The following OPCML variants were observed in gnomAD, a reference collection of about 807,000 sequenced individuals.
The protein encoded by OPCML is opioid binding protein/cell adhesion molecule like, also known as opioid-binding protein/cell adhesion molecule.
Under a neutral mutation model 37.8 loss-of-function variants are expected in OPCML, and 13 were observed. That is an observed-to-expected ratio of 0.34 (90% CI 0.22 to 0.55). The LOEUF is 0.55. Ranked by LOEUF, OPCML falls within the 20% of genes least tolerant of loss-of-function variation. The probability of loss-of-function intolerance (pLI) is 0.91; values close to 1 mark genes in which losing one functional copy is unlikely to be tolerated. For synonymous variants in OPCML, 176 were observed against 168.8 expected, an observed-to-expected ratio of 1.04 and a Z score of -0.33; for missense variants, 341 against 435.6, an observed-to-expected ratio of 0.78 and a Z score of 1.93.
chr11:133,194,708 T>C (rs184757208), intron 1 of OPCML, among the ~76,000 whole-genome samples: 22 of 152,294 alleles, frequency 1.4e-4, no homozygotes, highest in Non-Finnish European at 3.1e-4. Context: ...CTTTGAAAAT[T>C]TCGTATTGCC....
rs189564882 is a variant in OPCML, at chr11:133,101,086, C to T, written c.62-158076G>A. Among the ~76,000 whole-genome samples, 274 of 151,990 alleles carry T rather than the reference C, an allele frequency of 1.8e-3. 3 individuals carry two copies. Among genetic ancestry groups the T allele is most frequent in the African/African-American group, 5.9e-3 (244 of 41,472 alleles). ...ACTACAGGTGCCCACTGTCATGCCCCGCTAATTTTTGTATTTTTAGTAGAG... is the reference window on the plus strand; with the variant it reads ...ACTACAGGTGCCCACTGTCATGCCCTGCTAATTTTTGTATTTTTAGTAGAG... On this transcript the variant is annotated intron_variant, in intron 1 of 7. Coordinates refer to ENST00000524381, the MANE Select transcript of OPCML (RefSeq NM_001012393.5).
Position 133,011,516 on chromosome 11 carries a change from C to G in OPCML, c.62-68506G>C, listed in dbSNP as rs368149693. Reference sequence around the variant, plus strand: ...CCCAGAGTTGACATGCTATAAAACTCCAGAAGGCAGGACTATGCTCAATTT... The same window carrying G: ...CCCAGAGTTGACATGCTATAAAACTGCAGAAGGCAGGACTATGCTCAATTT... On this transcript the variant is annotated intron_variant, in intron 1 of 7. Transcript: ENST00000524381. Among the ~76,000 whole-genome samples the G allele has an allele frequency of 1.1e-4, 16 of 152,158 alleles. No homozygotes were observed. In the East Asian group the frequency reaches 2.7e-3, roughly 26 times the overall value.
At chr11:132,481,433 C>T (rs1693188639) in intron 4 of OPCML, among the ~76,000 whole-genome samples, 1 of 150,922 alleles carries the variant, frequency 6.6e-6, no homozygotes, top group Non-Finnish European at 1.5e-5. Flanking sequence ...TCCTGAGTGA[C>T]CTACAAAGAG....
Position 133,328,580 on chromosome 11 carries a change from T to G in OPCML, c.61+203684A>C, listed in dbSNP as rs566788619. Among the ~76,000 whole-genome samples the G allele has an allele frequency of 2.6e-5, 4 of 152,280 alleles. No individual in the cohort carries two copies. The South Asian group carries it at 8.3e-4, about 32-fold the overall frequency. On this transcript the variant is annotated intron_variant, in intron 1 of 7. Coordinates refer to ENST00000524381, the MANE Select transcript of OPCML (RefSeq NM_001012393.5). ...AGAAAAGCATACAGCAGTTACCAAG[T>G]GCTGGGCACTTTACTAAATATTGAG...
At chr11:132,500,370 T>C (rs2096242973) in intron 4 of OPCML, among the ~76,000 whole-genome samples, 1 of 151,976 alleles carries the variant, frequency 6.6e-6, no homozygotes, top group Admixed American at 6.6e-5. Flanking sequence ...ATCAGGAAAA[T>C]TTAGTCAAAA....
At chr11:132,634,260 A>G (rs1241460618) in intron 3 of OPCML, among the ~76,000 whole-genome samples, 26 of 152,178 alleles carry the variant, frequency 1.7e-4, no homozygotes, top group Admixed American at 1.7e-3. Context: ...CTTCTCTCAT[A>G]AAGGAAGCAG....
intron 1 of OPCML, among the ~76,000 whole-genome samples, chr11:133,390,065 T>C (rs78900774): frequency 0.016 from 2,423 of 152,274 alleles, 31 homozygotes; most frequent in Non-Finnish European, 0.027. Context: ...ATAATGTAAG[T>C]CACTGCTTAC....
At chr11:132,635,480 C>CCCAGTCTA (rs1172479332) in intron 3 of OPCML, among the ~76,000 whole-genome samples, 1 of 151,220 alleles carries the variant, frequency 6.6e-6, no homozygotes, top group East Asian at 1.9e-4. Context: ...CATTTTTTTC[C>CCCAGTCTA]CCAGTCTACC....
intron 3 of OPCML, among the ~76,000 whole-genome samples, chr11:132,543,061 A>AG (rs2096360778): frequency 6.6e-6 from 1 of 151,774 alleles, no homozygotes; most frequent in Admixed American, 6.6e-5. Context: ...CTATTGTGGG[A>AG]AGAGGGGAAA....
rs377505575 is a variant in OPCML, at chr11:132,798,836, T to C, written c.147-141517A>G. Among the ~76,000 whole-genome samples, 8 of 152,372 alleles carry C rather than the reference T, an allele frequency of 5.3e-5. No homozygotes were observed. In the East Asian group the frequency reaches 1.4e-3, roughly 26 times the overall value. ...GGCATGAAAACAATATTCCTCTCCT[T>C]GTACATCTCCATCAGAGCTCTTGGG... On this transcript the variant is annotated intron_variant, in intron 2 of 7. Transcript: ENST00000524381.
chr11:133,477,616 G>A (rs1020277380), intron 1 of OPCML, among the ~76,000 whole-genome samples: 13 of 152,228 alleles, frequency 8.5e-5, no homozygotes, highest in Middle Eastern at 3.4e-3. Context: ...CCACAGTAAC[G>A]CAACTGTAAA....
chr11:132,574,416 A>G (rs1415028547), intron 3 of OPCML, among the ~76,000 whole-genome samples: 1 of 151,504 alleles, frequency 6.6e-6, no homozygotes, highest in Non-Finnish European at 1.5e-5. Context: ...TCCTCTTAGT[A>G]TTACTTACTA....
At chr11:132,563,032 A>G (rs966583006) in intron 3 of OPCML, among the ~76,000 whole-genome samples, 2 of 152,182 alleles carry the variant, frequency 1.3e-5, no homozygotes, top group Non-Finnish European at 2.9e-5. Context: ...TTTCAGTAGT[A>G]TAGAGAAAAC....
intron 1 of OPCML, among the ~76,000 whole-genome samples, chr11:133,162,298 CA>C (rs1950154078): frequency 6.6e-6 from 1 of 152,194 alleles, no homozygotes; most frequent in African/African-American, 2.4e-5. Context: ...GGCCCAGAAG[CA>C]ACAAGAAGGC....
rs2095942030 is a variant in OPCML at position 132,417,276 on chromosome 11, A to G, written c.*2917T>C. On this transcript the variant is annotated 3_prime_UTR_variant, in exon 8 of 8. Transcript: ENST00000524381. ...AATGATGGGTGACAGCCACTCTCCC[A>G]TGAAGCCATCCCCACCAAAGAAACA... 6.6e-6 allele frequency: 1 copy of G among 152,226 alleles called. No homozygotes were observed. The highest frequency in any genetic ancestry group is 2.4e-5 in the African/African-American group (1 of 41,450). The allele number at this position is 152,226 out of a possible 1,614,324, so 9.4% of individuals were successfully genotyped here. A position where few individuals can be genotyped will look rare whatever the true frequency, so the allele number is the denominator to read the frequency against.
rs530061820 is a variant in OPCML, at chr11:133,490,813, C to T, written c.61+41451G>A. ...AATGGCTGTCCTCATGGCTTGCTAT[C>T]TCATCCCCTTTACATCTTTAAAATG... On this transcript the variant is annotated intron_variant, in intron 1 of 7. Transcript: ENST00000524381. 3.7e-4 allele frequency among the ~76,000 whole-genome samples: 57 copies of T among 152,290 alleles called. 1 individual carries two copies. Among genetic ancestry groups the T allele is most frequent in the South Asian group, 2.5e-3 (12 of 4,814 alleles).
intron 1 of OPCML, among the ~76,000 whole-genome samples, chr11:133,525,150 AG>A (rs1948465670): frequency 6.6e-6 from 1 of 152,250 alleles, no homozygotes; most frequent in Admixed American, 6.5e-5. Flanking sequence ...AGAAAAGAGA[AG>A]TCTGGTTCCG....
chr11:133,197,158 G>T (rs1938568112), intron 1 of OPCML, among the ~76,000 whole-genome samples: 1 of 152,170 alleles, frequency 6.6e-6, no homozygotes, highest in African/African-American at 2.4e-5. Context: ...CATTTTAGCA[G>T]GCAAACAATT....
At chr11:133,113,845 C>A (rs752479601) in intron 1 of OPCML, among the ~76,000 whole-genome samples, 1 of 152,208 alleles carries the variant, frequency 6.6e-6, no homozygotes, top group Admixed American at 6.5e-5. Flanking sequence ...GTGCTTCAGG[C>A]ACATATTGAA....
Sources: gnomAD v4.1 joint callset for allele counts (sites outside exome capture counted in the v4.1 genomes callset) on GRCh38, gnomAD v4.1.1 for gene constraint, MANE v1.5 for transcripts, NCBI Gene and HGNC (gene_info 2026-07-23, HGNC 2026-07-21) for gene names.